The following ITIH5 variants were observed in gnomAD, a reference collection of about 807,000 sequenced individuals.
ITIH5 encodes the protein inter-alpha-trypsin inhibitor heavy chain 5, also known as inter-alpha-trypsin inhibitor heavy chain H5.
A neutral mutation model predicts 77.5 loss-of-function variants in ITIH5; 65 were observed. That is an observed-to-expected ratio of 0.84 (90% CI 0.69 to 1.03). The LOEUF (loss-of-function observed/expected upper bound fraction) is 1.03. ITIH5 is among the 50% of genes least tolerant of loss of function. The pLI is 0.00. For synonymous variants in ITIH5, 525 were observed against 494.3 expected (o/e 1.06, Z -0.82); for missense variants, 1,208 against 1,213.1 (o/e 1.00, Z 0.06).
At chr10:7,654,710 T>C (rs1246277362) in intron 2 of ITIH5, among the ~76,000 whole-genome samples, 1 of 152,276 alleles carries the variant, frequency 6.6e-6, no homozygotes, top group Non-Finnish European at 1.5e-5. Flanking sequence ...CCTTTGTCTC[T>C]GACCCAGGAG....
intron 1 of ITIH5, among the ~76,000 whole-genome samples, chr10:7,656,061 G>A (rs878885362): frequency 6.6e-6 from 1 of 152,154 alleles, no homozygotes; most frequent in Non-Finnish European, 1.5e-5. Flanking sequence ...GTAAGTAAAG[G>A]TATTCAGTCT....
chr10:7,659,405 T>C (rs933264100), intron 1 of ITIH5, among the ~76,000 whole-genome samples: 2 of 151,544 alleles, frequency 1.3e-5, no homozygotes. Flanking sequence ...TAAAAGTAAA[T>C]TAATTAATTA....
chr10:7,607,452 CATAGGT>C (rs900204506), intron 7 of ITIH5, among the ~76,000 whole-genome samples: 13 of 152,142 alleles, frequency 8.5e-5, no homozygotes, highest in Non-Finnish European at 1.8e-4. Context: ...TCAAAACTAG[CATAGGT>C]AACATAGTGA....
chr10:7,596,528 C>T (rs1488789998), intron 7 of ITIH5, among the ~76,000 whole-genome samples: 1 of 152,128 alleles, frequency 6.6e-6, no homozygotes, highest in Non-Finnish European at 1.5e-5. Flanking sequence ...GAGCATAAGA[C>T]AAGGAGAACC....
chr10:7,632,395 A>G (rs1765764788), intron 5 of ITIH5, among the ~76,000 whole-genome samples: 1 of 152,122 alleles, frequency 6.6e-6, no homozygotes, highest in South Asian at 2.1e-4. Context: ...AACTCTGCCA[A>G]TGTACTAAAA....
intron 7 of ITIH5, among the ~76,000 whole-genome samples, chr10:7,606,646 G>A (rs1199678643): frequency 2.0e-5 from 3 of 152,148 alleles, no homozygotes; most frequent in Non-Finnish European, 4.4e-5. Context: ...CTTATTAGCT[G>A]GGTGATGAAA....
At chr10:7,635,293 G>A (rs1271225779) in intron 5 of ITIH5, among the ~76,000 whole-genome samples, 2 of 152,090 alleles carry the variant, frequency 1.3e-5, no homozygotes, top group Non-Finnish European at 2.9e-5. Flanking sequence ...CTCATTCTGC[G>A]GCCAACCCTT....
chr10:7,651,212 C>T (rs538244108), intron 2 of ITIH5, among the ~76,000 whole-genome samples: 88 of 150,094 alleles, frequency 5.9e-4, no homozygotes, highest in South Asian at 5.1e-3. Flanking sequence ...GAACAGCAGA[C>T]AACCCTGCTG....
At chr10:7,633,850 G>A (rs1183354506) in intron 5 of ITIH5, among the ~76,000 whole-genome samples, 1 of 152,084 alleles carries the variant, frequency 6.6e-6, no homozygotes, top group Non-Finnish European at 1.5e-5. Context: ...AGCACTTTGG[G>A]AGGCCGAGGC....
intron 12 of ITIH5, among the ~76,000 whole-genome samples, chr10:7,567,627 T>A (rs903191750): frequency 6.6e-6 from 1 of 152,144 alleles, no homozygotes; most frequent in Non-Finnish European, 1.5e-5. Flanking sequence ...CTCAGACATC[T>A]TATGATGCCA....
At chr10:7,579,343 T>C (rs1360723081) in intron 9 of ITIH5, among the ~76,000 whole-genome samples, 2 of 152,134 alleles carry the variant, frequency 1.3e-5, no homozygotes, top group Non-Finnish European at 1.5e-5. Flanking sequence ...CTGACCAACA[T>C]GGAGAAACCT....
chr10:7,562,891 C>T lies in ITIH5; in HGVS notation c.*192G>A. The T allele has an allele frequency of 3.1e-6, 2 of 637,410 alleles. No homozygotes were observed. Among genetic ancestry groups the T allele is most frequent in the Admixed American group, 4.7e-5 (2 of 42,372 alleles). The allele number at this position is 637,410 out of a possible 1,614,324, so 39.5% of individuals were successfully genotyped here. A position where few individuals can be genotyped will look rare whatever the true frequency, so the allele number is the denominator to read the frequency against. ...GCAGTAGAGGGAAATGACATTTGCA[C>T]TCAGGCTTCCCGCCCCTACCCACCC... On this transcript the variant is annotated 3_prime_UTR_variant, in exon 14 of 14. Transcript: ENST00000397146.
At chr10:7,580,679 CA>C (rs1195876809) in intron 8 of ITIH5, among the ~76,000 whole-genome samples, 3 of 152,112 alleles carry the variant, frequency 2.0e-5, no homozygotes, top group African/African-American at 7.2e-5. Flanking sequence ...GCATAGAAGA[CA>C]GCAGGAATGT....
At chr10:7,592,970 C>T (rs915591837) in intron 7 of ITIH5, among the ~76,000 whole-genome samples, 111 of 152,086 alleles carry the variant, frequency 7.3e-4, no homozygotes, top group African/African-American at 2.2e-3. Context: ...AGTGGTCAGG[C>T]TGCATGGGGG....
At position 7,586,026 on chromosome 10, in the gene ITIH5, TG is replaced by T; in HGVS notation, c.982del (p.Gln328ArgfsTer20). ...AAATCCAATGATACTGAAACGGTCC[TG>T]GGGTCGGAGGTCATGGAGAATTGTG... The part of the protein sequence containing the change: ...LFTILHDLRP[Q>X]DRFSIIGFSN... On this transcript the variant is annotated frameshift_variant, in exon 8 of 14. Coordinates refer to ENST00000397146, the MANE Select transcript of ITIH5 (RefSeq NM_030569.7). LOFTEE classifies it high-confidence loss of function. 2 of 1,614,032 alleles carry T rather than the reference TG, an allele frequency of 1.2e-6. No individual in the cohort carries two copies. The highest frequency in any genetic ancestry group is 1.7e-6 in the Non-Finnish European group (2 of 1,179,998).
At chr10:7,656,052 T>C (rs376974793) in intron 1 of ITIH5, among the ~76,000 whole-genome samples, 3 of 152,216 alleles carry the variant, frequency 2.0e-5, no homozygotes, top group Non-Finnish European at 2.9e-5. Flanking sequence ...TCTATTACAG[T>C]AAGTAAAGGT....
chr10:7,583,625 C>T (rs1313403540), intron 8 of ITIH5, among the ~76,000 whole-genome samples: 2 of 152,170 alleles, frequency 1.3e-5, no homozygotes, highest in African/African-American at 2.4e-5. Context: ...TGAGCCACTG[C>T]GCCTGGCCTA....
intron 1 of ITIH5, among the ~76,000 whole-genome samples, chr10:7,663,403 G>A (rs1834310377): frequency 6.6e-6 from 1 of 152,136 alleles, no homozygotes; most frequent in Non-Finnish European, 1.5e-5. Flanking sequence ...AACCATAAAA[G>A]CAGAACTGTT....
chr10:7,634,043 C>G lies in ITIH5; in HGVS notation c.652+3185G>C, dbSNP rs191455717. Among the ~76,000 whole-genome samples, 459 of 141,696 alleles carry G rather than the reference C, an allele frequency of 3.2e-3. 6 individuals carry two copies. The highest frequency in any genetic ancestry group is 0.018 in the Middle Eastern group (5 of 274). The allele number at this position is 141,696 out of a possible 152,430, so 93.0% of individuals were successfully genotyped here. A position where few individuals can be genotyped will look rare whatever the true frequency, so the allele number is the denominator to read the frequency against. On this transcript the variant is annotated intron_variant, in intron 5 of 13. Transcript: ENST00000397146. ...GGCGGAGCTTGCAGTGAGCCGAGATCGCGCCACTGCACTCCAGCCTGGGCG... is the reference window on the plus strand; with the variant it reads ...GGCGGAGCTTGCAGTGAGCCGAGATGGCGCCACTGCACTCCAGCCTGGGCG...
Sources: allele counts gnomAD v4.1 joint callset (sites outside exome capture counted in the v4.1 genomes callset), GRCh38; gene constraint gnomAD v4.1.1; transcripts MANE v1.5; gene names NCBI Gene and HGNC (gene_info 2026-07-23, HGNC 2026-07-21).